The following TG variants were observed in gnomAD, a reference collection of about 807,000 sequenced individuals.
TG encodes thyroid hormones.
A neutral mutation model predicts 324.7 loss-of-function variants in TG; 270 were observed. The observed-to-expected ratio is 0.83, with a 90% CI of 0.75 to 0.92. The LOEUF (loss-of-function observed/expected upper bound fraction) is 0.92. Among genes scored for constraint, TG ranks in the 40% least tolerant of loss-of-function variants. The pLI is 0.00. For synonymous variants in TG, 1,401 were observed against 1,327.0 expected (o/e 1.06, Z -1.21); for missense variants, 3,591 against 3,456.4 (o/e 1.04, Z -0.98).
At chr8:133,013,509 GA>G in intron 36 of TG, 90 bp from the exon 37 acceptor site, 1 of 1,477,150 alleles carries the variant, frequency 6.8e-7, no homozygotes, top group Non-Finnish European at 9.4e-7. Flanking sequence ...AAGGGTGGAT[GA>G]GTGGATGGTT....
At chr8:133,056,096 T>C (rs928492556) in intron 41 of TG, among the ~76,000 whole-genome samples, 3 of 152,194 alleles carry the variant, frequency 2.0e-5, no homozygotes, top group Non-Finnish European at 2.9e-5. Flanking sequence ...AGGGCATGGC[T>C]GTGTTTGAAC....
Position 132,898,801 on chromosome 8 carries a change from C to T in TG, c.3221C>T (p.Pro1074Leu), listed in dbSNP as rs145085612. The T allele has an allele frequency of 1.3e-5, 21 of 1,613,980 alleles. No individual in the cohort carries two copies. Among genetic ancestry groups the T allele is most frequent in the African/African-American group, 8.0e-5 (6 of 75,022 alleles). The part of the protein sequence containing the change: ...TARSLQIPQC[P>L]TTCEKSRTSG... ...CAAGCACCTCTCTCTCCCACAGGCC[C>T]GACAACCTGCGAGAAATCTCGAACC... Residue 1074 changes from proline (P) to leucine (L), a missense_variant, in exon 14 of 48, where the codon CCG (proline) becomes CTG (leucine). By Grantham distance (98) the Pro-to-Leu change is moderately conservative. Transcript: ENST00000220616.
At chr8:132,968,064 A>G in intron 31 of TG, 94 bp downstream of exon 31, 7 of 1,435,226 alleles carry the variant, frequency 4.9e-6, no homozygotes, top group Non-Finnish European at 6.7e-6. Flanking sequence ...TTATTTAAAA[A>G]ACATTTTCTT....
At chr8:133,018,130 C>A in intron 38 of TG, 133 bp downstream of exon 38, 1 of 878,780 alleles carries the variant, frequency 1.1e-6, no homozygotes, top group Non-Finnish European at 1.8e-6. Context: ...AATATATTAG[C>A]TAAGATATCA....
intron 20 of TG, among the ~76,000 whole-genome samples, chr8:132,917,761 G>A (rs147511704): frequency 1.3e-3 from 203 of 152,202 alleles, no homozygotes; most frequent in South Asian, 7.9e-3. Flanking sequence ...GTCAATGTTG[G>A]GGGGTTTGTG....
At chr8:132,878,434 G>T (rs1814155679) in intron 5 of TG, among the ~76,000 whole-genome samples, 3 of 152,028 alleles carry the variant, frequency 2.0e-5, no homozygotes, top group African/African-American at 7.3e-5. Context: ...GGCTAAGATG[G>T]TGAAACCTCG....
In TG at chr8:133,099,467, A is replaced by G. The variant is rs138142625; in HGVS notation, c.7572+3094A>G. On this transcript the variant is annotated intron_variant, in intron 43 of 47. Transcript: ENST00000220616. ...CAGCTCAGTGCCACTGCATGCAATCATCTCCTAAACATGTGTCTGCACACA... is the reference window on the plus strand; with the variant it reads ...CAGCTCAGTGCCACTGCATGCAATCGTCTCCTAAACATGTGTCTGCACACA... Among the ~76,000 whole-genome samples the G allele has an allele frequency of 4.5e-3, 684 of 152,256 alleles. 4 individuals carry two copies. The highest frequency in any genetic ancestry group is 0.016 in the African/African-American group (648 of 41,530).
At chr8:132,939,972 G>A (rs546813651) in intron 25 of TG, among the ~76,000 whole-genome samples, 7 of 152,172 alleles carry the variant, frequency 4.6e-5, no homozygotes, top group South Asian at 4.2e-4. Flanking sequence ...CACCATGCCC[G>A]GCCCCAGTAT....
intron 34 of TG, among the ~76,000 whole-genome samples, chr8:132,978,115 G>A (rs1830398062): frequency 6.6e-6 from 1 of 152,220 alleles, no homozygotes; most frequent in South Asian, 2.1e-4. Flanking sequence ...TCTGCAGGCT[G>A]TGCAAGCATG....
Position 132,881,982 on chromosome 8 carries a change from C to T in TG, c.745+13C>T. ...CTGGCTGAGACAGGTGAGTGATACCCCTCAGGTGATCTGAAGGGAGGGAGT... is the reference window on the plus strand; with the variant it reads ...CTGGCTGAGACAGGTGAGTGATACCTCTCAGGTGATCTGAAGGGAGGGAGT... On this transcript the variant is annotated intron_variant, in intron 6 of 47. Transcript: ENST00000220616. The T allele has an allele frequency of 1.9e-6, 3 of 1,575,080 alleles. No homozygotes were observed. The highest frequency in any genetic ancestry group is 2.2e-5 in the East Asian group (1 of 44,694).
At position 133,129,842 on chromosome 8, in the gene TG, A is replaced by G. The variant is rs547492806; in HGVS notation, c.7863-1970A>G. On this transcript the variant is annotated intron_variant, in intron 45 of 47. Coordinates refer to ENST00000220616, the MANE Select transcript of TG (RefSeq NM_003235.5). ...CCTTCTTGAGAATGTGATGGAGGAT[A>G]TGAAACATCTCTCAAGAGAGATCCA... 4.0e-4 allele frequency among the ~76,000 whole-genome samples: 61 copies of G among 152,300 alleles called. 1 individual carries two copies. The highest frequency in any genetic ancestry group is 6.8e-3 in the Middle Eastern group (2 of 294).
At chr8:133,110,412 T>C (rs916087921) in intron 43 of TG, among the ~76,000 whole-genome samples, 5 of 152,344 alleles carry the variant, frequency 3.3e-5, no homozygotes, top group Non-Finnish European at 7.3e-5. Flanking sequence ...AACGAACTAT[T>C]ATATTTTCTT....
intron 27 of TG, among the ~76,000 whole-genome samples, chr8:132,957,753 A>ACG: frequency 8.4e-6 from 1 of 119,694 alleles, no homozygotes; most frequent in Admixed American, 9.0e-5. Flanking sequence ...ACACACACAC[A>ACG]CACACACACA....
At chr8:132,962,669 C>T (rs1282057014) in intron 28 of TG, among the ~76,000 whole-genome samples, 1 of 152,106 alleles carries the variant, frequency 6.6e-6, no homozygotes, top group East Asian at 1.9e-4. Flanking sequence ...TCAGTTTTCT[C>T]AAGAGTAAAA....
At chr8:133,098,492 C>T (rs1465271111) in intron 43 of TG, among the ~76,000 whole-genome samples, 1 of 152,222 alleles carries the variant, frequency 6.6e-6, no homozygotes, top group African/African-American at 2.4e-5. Flanking sequence ...TTCCCACTCA[C>T]CTCCTTATTT....
chr8:132,904,774 C>T (rs560124184), intron 16 of TG, among the ~76,000 whole-genome samples: 1 of 152,180 alleles, frequency 6.6e-6, no homozygotes, highest in African/African-American at 2.4e-5. Flanking sequence ...AGAAAAACCA[C>T]AGGTGCAGAT....
chr8:132,958,204 A>C lies in TG; in HGVS notation c.5402-2804A>C, dbSNP rs188426405. ...TCTAGAGATAAATGTTGTTTCTTTA[A>C]GTTTTACAGGTTAAATAAGAATTAT... On this transcript the variant is annotated intron_variant, in intron 27 of 47. Transcript: ENST00000220616. 6.9e-4 allele frequency among the ~76,000 whole-genome samples: 105 copies of C among 152,330 alleles called. 2 individuals are homozygous for C. The highest frequency in any genetic ancestry group is 1.7e-3 in the Admixed American group (26 of 15,306).
At chr8:132,958,353 ATCTG>A (rs756893794) in intron 27 of TG, among the ~76,000 whole-genome samples, 9 of 97,320 alleles carry the variant, frequency 9.2e-5, no homozygotes, top group Non-Finnish European at 1.2e-4. Flanking sequence ...CTATCTATCT[ATCTG>A]TCTATCTATC....
intron 35 of TG, among the ~76,000 whole-genome samples, chr8:132,986,727 G>C (rs1266580577): frequency 6.6e-6 from 1 of 151,890 alleles, no homozygotes; most frequent in East Asian, 1.9e-4. Flanking sequence ...TTATTTCCTG[G>C]GGTAAGATTG....
Sources: gnomAD v4.1 joint callset for allele counts (sites outside exome capture counted in the v4.1 genomes callset) on GRCh38, gnomAD v4.1.1 for gene constraint, MANE v1.5 for transcripts, NCBI Gene and HGNC (gene_info 2026-07-23, HGNC 2026-07-21) for gene names.